Variants in TANK observed in about 807,000 individuals in gnomAD.
The protein encoded by TANK is TRAF family member associated NFKB activator, also known as TRAF family member-associated NF-kappa-B activator.
A neutral mutation model predicts 43.6 loss-of-function variants in TANK; 15 were observed. That is an observed-to-expected ratio of 0.34 (90% CI 0.23 to 0.53). The LOEUF is 0.53. Ranked by LOEUF, TANK falls within the 20% of genes least tolerant of loss-of-function variation. The probability of loss-of-function intolerance (pLI) is 0.94; values close to 1 mark genes in which losing one functional copy is unlikely to be tolerated. For synonymous variants in TANK, 162 were observed against 178.2 expected (o/e 0.91, Z 0.73); for missense variants, 417 against 498.6 (o/e 0.84, Z 1.56).
intron 1 of TANK, among the ~76,000 whole-genome samples, chr2:161,152,455 T>G (rs1438846277): frequency 6.6e-6 from 1 of 152,168 alleles, no homozygotes; most frequent in East Asian, 1.9e-4. Flanking sequence ...ACTTTATATA[T>G]GTCATTCTAC....
At position 161,161,185 on chromosome 2, in the gene TANK, G is replaced by A. The variant is rs528190487; in HGVS notation, c.-50+699G>A. The A allele has an allele frequency of 1.1e-4, 169 of 1,487,046 alleles. No homozygotes were observed. The African/African-American group carries it at 2.2e-3, about 19-fold the overall frequency. 92.1% of individuals were successfully genotyped at this position (1,487,046 alleles called of 1,614,324 possible). A position where few individuals can be genotyped will look rare whatever the true frequency, so the allele number is the denominator to read the frequency against. ...TGTGCTTTTCTAGAAGTAGAAAGGG[G>A]GAGGATAATCAAAGAAGAGCTGTGC... On this transcript the variant is annotated intron_variant, in intron 1 of 7. Coordinates refer to ENST00000392749, the MANE Select transcript of TANK (RefSeq NM_001199135.3).
At chr2:161,155,191 A>G (rs1444922098) in intron 1 of TANK, among the ~76,000 whole-genome samples, 1 of 152,176 alleles carries the variant, frequency 6.6e-6, no homozygotes, top group South Asian at 2.1e-4. Flanking sequence ...AAAATAGCAG[A>G]ACACATTTAC....
At chr2:161,181,288 C>T (rs972932022) in intron 2 of TANK, among the ~76,000 whole-genome samples, 5 of 152,094 alleles carry the variant, frequency 3.3e-5, no homozygotes, top group Admixed American at 1.3e-4. Context: ...GGCATGGTGG[C>T]ACATGCCTTT....
intron 2 of TANK, 52 bp downstream of exon 2, chr2:161,179,813 T>G (rs767574917): frequency 1.9e-6 from 3 of 1,560,124 alleles, no homozygotes; most frequent in Non-Finnish European, 2.6e-6. Context: ...CATGGAATTT[T>G]AGAGCCTTTT....
chr2:161,156,342 T>C (rs1209323806), upstream of TANK: 1 of 985,326 alleles, frequency 1.0e-6, no homozygotes, highest in Non-Finnish European at 1.2e-6. Flanking sequence ...TCTGTGTCCT[T>C]ACAGACTTAA....
intron 7 of TANK, among the ~76,000 whole-genome samples, chr2:161,234,521 A>G (rs1688078712): frequency 6.6e-6 from 1 of 152,252 alleles, no homozygotes; most frequent in South Asian, 2.1e-4. Context: ...GTCCTTCTAG[A>G]AATTTAAAAA....
intron 1 of TANK, among the ~76,000 whole-genome samples, chr2:161,170,231 C>T (rs1684883633): frequency 6.6e-6 from 1 of 152,074 alleles, no homozygotes; most frequent in Non-Finnish European, 1.5e-5. Context: ...GGGCTATGGT[C>T]AGTCAAATTT....
chr2:161,161,032 C>T (rs945417503), intron 1 of TANK: 4 of 540,984 alleles, frequency 7.4e-6, no homozygotes, highest in African/African-American at 5.7e-5. Context: ...CCCAGAGGGT[C>T]ACGGAGGGAG....
Position 161,231,405 on chromosome 2 carries a change from A to G in TANK, c.955A>G (p.Ile319Val). ...GCCCTCAAATCTCGTAAACACTTGTATCAGGACAACTCTGGATAGAGCTGC... is the reference window on the plus strand; with the variant it reads ...GCCCTCAAATCTCGTAAACACTTGTGTCAGGACAACTCTGGATAGAGCTGC... ...TKPSNLVNTC[I>V]RTTLDRAACL... is the part of the protein sequence containing the mutation. The change falls in exon 7 of 8, where the codon ATC (isoleucine) becomes GTC (valine). Residue 319 changes from isoleucine to valine, a missense_variant. Transcript: ENST00000392749. The G allele has an allele frequency of 1.2e-6, 2 of 1,614,182 alleles. No individual in the cohort carries two copies. The highest frequency in any genetic ancestry group is 8.5e-7 in the Non-Finnish European group (1 of 1,180,016).
At chr2:161,141,724 C>CT (rs1321276688) in intron 1 of TANK, among the ~76,000 whole-genome samples, 1 of 152,120 alleles carries the variant, frequency 6.6e-6, no homozygotes, top group Non-Finnish European at 1.5e-5. Context: ...TTTATCCTGT[C>CT]TATCACTGAT....
chr2:161,160,565 G>A (rs1684370646), intron 1 of TANK, 79 bp downstream of exon 1: 1 of 1,158,962 alleles, frequency 8.6e-7, no homozygotes, highest in South Asian at 2.6e-5. Context: ...GTGAGCGAGA[G>A]GGACGCGCTG....
In TANK at chr2:161,196,903, TAAAG is replaced by T. The variant is rs538008942; in HGVS notation, c.100-6580_100-6577del. The stretch of plus-strand genomic sequence containing the variant: ...AGGTTGGTTTAAGGATTAAATGAGA[TAAAG>T]AAAATAAAACTGATTTTGGTACATA... On this transcript the variant is annotated intron_variant, in intron 2 of 7. Coordinates refer to ENST00000392749, the MANE Select transcript of TANK (RefSeq NM_001199135.3). Among the ~76,000 whole-genome samples the T allele has an allele frequency of 1.1e-4, 16 of 152,278 alleles. No homozygotes were observed. The East Asian group carries it at 2.3e-3, about 22-fold the overall frequency.
intron 1 of TANK, among the ~76,000 whole-genome samples, chr2:161,176,111 T>G (rs1197745463): frequency 1.3e-5 from 2 of 152,198 alleles, no homozygotes; most frequent in Non-Finnish European, 2.9e-5. Context: ...GCATGTTTAC[T>G]ATAAGTAAAA....
chr2:161,205,660 C>G (rs1686619771), intron 4 of TANK, among the ~76,000 whole-genome samples: 1 of 152,104 alleles, frequency 6.6e-6, no homozygotes, highest in Admixed American at 6.5e-5. Context: ...TCTTTAGAAA[C>G]TCTTTAGAAA....
chr2:161,171,610 C>T (rs1292057123), intron 1 of TANK, among the ~76,000 whole-genome samples: 2 of 152,124 alleles, frequency 1.3e-5, no homozygotes, highest in Non-Finnish European at 2.9e-5. Context: ...TAAATGGCTG[C>T]TCAGCTATTT....
intron 4 of TANK, among the ~76,000 whole-genome samples, chr2:161,208,503 T>C (rs989381080): frequency 6.6e-6 from 1 of 152,176 alleles, no homozygotes; most frequent in Non-Finnish European, 1.5e-5. Context: ...TTGCATTATC[T>C]ATCATATTAT....
intron 1 of TANK, among the ~76,000 whole-genome samples, chr2:161,167,054 T>G (rs932761028): frequency 1.3e-5 from 2 of 152,230 alleles, no homozygotes; most frequent in African/African-American, 4.8e-5. Flanking sequence ...GTGTGAACTC[T>G]GGCAGAACAT....
At chr2:161,144,016 C>CA (rs1683829673) in intron 1 of TANK, among the ~76,000 whole-genome samples, 1 of 151,262 alleles carries the variant, frequency 6.6e-6, no homozygotes, top group Non-Finnish European at 1.5e-5. Flanking sequence ...ATTCAAGTAT[C>CA]ACTTCTTTCT....
intron 1 of TANK, among the ~76,000 whole-genome samples, chr2:161,168,811 G>T (rs6432674): frequency 0.43 from 65,292 of 152,006 alleles, 14,725 homozygotes; most frequent in Admixed American, 0.55. Context: ...CCAGCCTCGA[G>T]CAACAGAGTG....
Sources: allele counts gnomAD v4.1 joint callset (sites outside exome capture counted in the v4.1 genomes callset), GRCh38; gene constraint gnomAD v4.1.1; transcripts MANE v1.5; gene names NCBI Gene and HGNC (gene_info 2026-07-23, HGNC 2026-07-21).